Variants in SEMA3A observed in about 807,000 individuals in gnomAD.
The protein encoded by SEMA3A is semaphorin-3A.
A neutral mutation model predicts 97.9 loss-of-function variants in SEMA3A; 29 were observed. The observed-to-expected ratio is 0.30, with a 90% CI of 0.22 to 0.40. The LOEUF (loss-of-function observed/expected upper bound fraction) is 0.40, where lower values mean the gene tolerates loss of function less well. Ranked by LOEUF, SEMA3A falls within the 10% of genes least tolerant of loss-of-function variation. The pLI is 1.00. For missense variants in SEMA3A, 763 were observed against 951.3 expected (o/e 0.80, Z 2.60); for synonymous variants, 321 against 323.7 (o/e 0.99, Z 0.09).
intron 1 of SEMA3A, among the ~76,000 whole-genome samples, chr7:84,374,997 T>C (rs1224569359): frequency 6.6e-6 from 1 of 152,076 alleles, no homozygotes; most frequent in African/African-American, 2.4e-5. Context: ...AGAGACTGTT[T>C]CAGGGAATAA....
intron 2 of SEMA3A, among the ~76,000 whole-genome samples, chr7:84,328,392 TGAAA>T (rs1801822610): frequency 1.3e-5 from 2 of 151,840 alleles, no homozygotes; most frequent in Admixed American, 6.6e-5. Flanking sequence ...GTTCAGTTCT[TGAAA>T]GAAAGAAACA....
chr7:84,332,379 C>T (rs1801929033), intron 2 of SEMA3A, among the ~76,000 whole-genome samples: 1 of 151,944 alleles, frequency 6.6e-6, no homozygotes, highest in Non-Finnish European at 1.5e-5. Flanking sequence ...TCACAGTGCC[C>T]ATCACTGGAT....
In SEMA3A at chr7:84,110,518, C is replaced by G. The variant is rs1795246268; in HGVS notation, c.405G>C (p.Gly135=). 1 of 1,613,774 alleles carries G rather than the reference C, an allele frequency of 6.2e-7. No homozygotes were observed. The part of the protein sequence containing the change: ...NQTHLYACGT[G]AFHPICTYIE... The stretch of plus-strand genomic sequence containing the variant: ...TGTAGGTGCAAATTGGATGAAAAGC[C>G]CCCGTTCCACAGGCGTACAAGTGAG... The change falls in exon 4 of 17, where the codon GGG becomes GGC. Residue 135 remains glycine (G), a synonymous_variant. Transcript: ENST00000265362.
upstream of SEMA3A, among the ~76,000 whole-genome samples, chr7:84,196,424 G>A (rs1390936627): frequency 6.6e-6 from 1 of 151,950 alleles, no homozygotes; most frequent in East Asian, 1.9e-4. Flanking sequence ...TTGTGTGAAT[G>A]TAGGTGGAGA....
chr7:83,963,012 T>C (rs1788533158), intron 16 of SEMA3A, among the ~76,000 whole-genome samples, 193 bp downstream of exon 16: 3 of 152,180 alleles, frequency 2.0e-5, no homozygotes. Flanking sequence ...TACCTTTGTT[T>C]CTCTAATTCA....
chr7:84,202,051 C>A (rs1428284828), intron 3 of SEMA3A, among the ~76,000 whole-genome samples: 1 of 152,120 alleles, frequency 6.6e-6, no homozygotes, highest in African/African-American at 2.4e-5. Context: ...GCTGATTATA[C>A]ATGAGGAAAA....
intron 1 of SEMA3A, among the ~76,000 whole-genome samples, chr7:84,139,484 A>C (rs970029822): frequency 1.3e-5 from 2 of 152,086 alleles, no homozygotes; most frequent in African/African-American, 4.8e-5. Context: ...CAGATTCACC[A>C]AAGGATTTAG....
intron 3 of SEMA3A, among the ~76,000 whole-genome samples, chr7:84,267,719 G>A (rs1480564357): frequency 1.3e-5 from 2 of 152,184 alleles, no homozygotes; most frequent in Middle Eastern, 3.4e-3. Flanking sequence ...TCATTTACAT[G>A]TCTAAAATAT....
At chr7:84,486,680 C>T (rs777674434) in intron 1 of SEMA3A, among the ~76,000 whole-genome samples, 2 of 152,118 alleles carry the variant, frequency 1.3e-5, no homozygotes, top group Non-Finnish European at 2.9e-5. Context: ...AGGACCTGAG[C>T]CCCAGTGTTT....
intron 2 of SEMA3A, among the ~76,000 whole-genome samples, chr7:84,326,258 C>T (rs1801773698): frequency 6.6e-6 from 1 of 152,100 alleles, no homozygotes; most frequent in Admixed American, 6.6e-5. Flanking sequence ...TATGCAAGGG[C>T]ATTCATAGTG....
intron 3 of SEMA3A, among the ~76,000 whole-genome samples, chr7:84,291,341 C>T (rs912890607): frequency 2.0e-5 from 3 of 151,850 alleles, no homozygotes; most frequent in African/African-American, 7.3e-5. Flanking sequence ...ATATATTTTA[C>T]CCATTATTCC....
intron 1 of SEMA3A, among the ~76,000 whole-genome samples, chr7:84,403,475 C>A (rs1803966691): frequency 2.0e-5 from 3 of 152,176 alleles, no homozygotes; most frequent in Non-Finnish European, 4.4e-5. Flanking sequence ...GGGGGCAGGG[C>A]ACAGACGAAC....
chr7:83,962,264 A>G (rs994573169), intron 16 of SEMA3A, among the ~76,000 whole-genome samples: 2 of 152,126 alleles, frequency 1.3e-5, no homozygotes, highest in Non-Finnish European at 2.9e-5. Context: ...AAAAAAATAG[A>G]AGTTGAACAA....
chr7:84,145,904 C>T (rs1248015406), intron 1 of SEMA3A, among the ~76,000 whole-genome samples: 1 of 152,158 alleles, frequency 6.6e-6, no homozygotes, highest in African/African-American at 2.4e-5. Flanking sequence ...TCACTAACAG[C>T]AGTTTGCAGT....
At chr7:84,092,724 G>T (rs1377087079) in intron 4 of SEMA3A, among the ~76,000 whole-genome samples, 1 of 152,006 alleles carries the variant, frequency 6.6e-6, no homozygotes, top group African/African-American at 2.4e-5. Flanking sequence ...AGATCTTGAG[G>T]TATATTTCTT....
chr7:84,150,979 C>T (rs577423785), intron 1 of SEMA3A, among the ~76,000 whole-genome samples: 2 of 148,990 alleles, frequency 1.3e-5, no homozygotes, highest in Non-Finnish European at 3.0e-5. Flanking sequence ...AGCAGGGGCA[C>T]ACTGACACCT....
At chr7:84,259,005 A>G (rs1162808457) in intron 3 of SEMA3A, among the ~76,000 whole-genome samples, 1 of 151,974 alleles carries the variant, frequency 6.6e-6, no homozygotes, top group Non-Finnish European at 1.5e-5. Context: ...CTTAAGTTCC[A>G]GCAAAGAAAT....
chr7:84,309,821 C>G (rs1454095045), intron 2 of SEMA3A, among the ~76,000 whole-genome samples: 1 of 151,910 alleles, frequency 6.6e-6, no homozygotes, highest in Admixed American at 6.6e-5. Flanking sequence ...ATACAAAGAC[C>G]CTGAGGCAAG....
chr7:84,306,386 T>TATGAAATAA, intron 3 of SEMA3A: 12 of 152,146 alleles, frequency 7.9e-5, no homozygotes, highest in African/African-American at 2.6e-4. Context: ...ACAAATGAAT[T>TATGAAATAA]TTATTCTACT....
Sources: gnomAD v4.1 joint callset for allele counts (sites outside exome capture counted in the v4.1 genomes callset) on GRCh38, gnomAD v4.1.1 for gene constraint, MANE v1.5 for transcripts, NCBI Gene and HGNC (gene_info 2026-07-23, HGNC 2026-07-21) for gene names.